GREM2: variants seen among roughly 807,000 people sequenced by gnomAD.
GREM2 encodes the protein gremlin-2.
GREM2 carries 11 observed loss-of-function variants against 14.2 expected under a neutral mutation model. The observed-to-expected ratio is 0.78, with a 90% confidence interval of 0.49 to 1.28. GREM2 has a LOEUF of 1.28. Among genes scored for constraint, GREM2 ranks in the 50% most tolerant of loss-of-function variants. The pLI, the probability that GREM2 is intolerant of heterozygous loss-of-function variation, is 0.00. For synonymous variants in GREM2, 98 were observed against 97.6 expected (o/e 1.00, Z -0.02); for missense variants, 210 against 218.5 (o/e 0.96, Z 0.24).
intron 1 of GREM2, among the ~76,000 whole-genome samples, chr1:240,610,600 C>T (rs936627401): frequency 6.6e-6 from 1 of 152,200 alleles, no homozygotes; most frequent in African/African-American, 2.4e-5. Flanking sequence ...CTTCCTTGGT[C>T]GGGCACATGT....
chr1:240,504,981 T>C (rs936128739), intron 1 of GREM2, among the ~76,000 whole-genome samples: 2 of 152,162 alleles, frequency 1.3e-5, no homozygotes, highest in African/African-American at 4.8e-5. Context: ...TAATCCCCAA[T>C]GTTGGAGGTG....
chr1:240,520,933 T>G (rs549365943), intron 1 of GREM2, among the ~76,000 whole-genome samples: 1 of 151,948 alleles, frequency 6.6e-6, no homozygotes, highest in Admixed American at 6.6e-5. Context: ...AAAAAAGCAT[T>G]TTAGTTTTTG....
chr1:240,579,390 G>C (rs575023839), intron 1 of GREM2, among the ~76,000 whole-genome samples: 1 of 152,124 alleles, frequency 6.6e-6, no homozygotes, highest in Non-Finnish European at 1.5e-5. Flanking sequence ...GTGGCATTAC[G>C]CAAAACACCT....
intron 1 of GREM2, among the ~76,000 whole-genome samples, chr1:240,494,834 G>A (rs1677371698): frequency 1.3e-5 from 2 of 152,122 alleles, no homozygotes; most frequent in Admixed American, 1.3e-4. Context: ...CCGGGAGGCG[G>A]AGCTTGCAAT....
intron 1 of GREM2, among the ~76,000 whole-genome samples, chr1:240,510,964 G>T (rs1275520056): frequency 1.3e-5 from 2 of 152,182 alleles, no homozygotes; most frequent in Admixed American, 1.3e-4. Context: ...AAATTTTGGA[G>T]AATTTAGAAA....
chr1:240,538,992 G>A (rs571582568), intron 1 of GREM2, among the ~76,000 whole-genome samples: 22 of 152,272 alleles, frequency 1.4e-4, no homozygotes, highest in African/African-American at 5.3e-4. Context: ...CTGATGCCAA[G>A]TACATGGCAG....
intron 1 of GREM2, among the ~76,000 whole-genome samples, chr1:240,604,477 G>T (rs913302810): frequency 6.6e-6 from 1 of 152,124 alleles, no homozygotes; most frequent in Non-Finnish European, 1.5e-5. Context: ...TTGAGACTCT[G>T]GTATCAACTG....
In GREM2 at chr1:240,490,337, T is replaced by C. The variant is rs1677218696; in HGVS notation, c.*2632A>G. Reference sequence around the variant, plus strand: ...CCTTGGATGCCTGATTCTATTTCTCTTAGAAGATTCCAGACCCCAAAGGAG... The same window carrying C: ...CCTTGGATGCCTGATTCTATTTCTCCTAGAAGATTCCAGACCCCAAAGGAG... On this transcript the variant is annotated 3_prime_UTR_variant, in exon 2 of 2. Coordinates refer to ENST00000318160, the MANE Select transcript of GREM2 (RefSeq NM_022469.4). The C allele has an allele frequency of 6.6e-6, 1 of 152,600 alleles. No homozygotes were observed. Among genetic ancestry groups the C allele is most frequent in the South Asian group, 2.1e-4 (1 of 4,830 alleles). The allele number at this position is 152,600 out of a possible 1,614,324, so 9.5% of individuals were successfully genotyped here. A position where few individuals can be genotyped will look rare whatever the true frequency, so the allele number is the denominator to read the frequency against.
At chr1:240,585,208 G>T (rs1371143177) in intron 1 of GREM2, among the ~76,000 whole-genome samples, 1 of 152,072 alleles carries the variant, frequency 6.6e-6, no homozygotes, top group African/African-American at 2.4e-5. Context: ...TCAGGGCCAA[G>T]ACTAGTGTGA....
chr1:240,577,244 A>G (rs890636554), intron 1 of GREM2, among the ~76,000 whole-genome samples: 1 of 152,220 alleles, frequency 6.6e-6, no homozygotes, highest in African/African-American at 2.4e-5. Context: ...TGAGTCGGCC[A>G]TAAAAGTGAT....
intron 1 of GREM2, among the ~76,000 whole-genome samples, chr1:240,513,256 G>C (rs1677874476): frequency 1.3e-5 from 2 of 152,088 alleles, no homozygotes; most frequent in Admixed American, 1.3e-4. Context: ...AATGAACTGG[G>C]ATGAGGACAA....
rs189993148 is a variant in GREM2 at position 240,497,815 on chromosome 1, C to T, written c.-1-4339G>A. The stretch of plus-strand genomic sequence containing the variant: ...CAGGCCAAGTGTCAAGTATTGGACT[C>T]GCTCAGCTTACATAGCTTATTATAT... On this transcript the variant is annotated intron_variant, in intron 1 of 1. Coordinates refer to ENST00000318160, the MANE Select transcript of GREM2 (RefSeq NM_022469.4). Among the ~76,000 whole-genome samples the T allele has an allele frequency of 3.4e-3, 520 of 152,164 alleles. 3 individuals are homozygous for T. The highest frequency in any genetic ancestry group is 2.4e-3 in the Admixed American group (37 of 15,288).
At chr1:240,558,754 G>A (rs1244232925) in intron 1 of GREM2, among the ~76,000 whole-genome samples, 2 of 151,620 alleles carry the variant, frequency 1.3e-5, no homozygotes, top group African/African-American at 4.8e-5. Flanking sequence ...GTTTCTGTTG[G>A]TTATATCTAT....
Position 240,492,185 on chromosome 1 carries a change from T to C in GREM2, c.*784A>G, listed in dbSNP as rs1558133943. ...AAACCAGCGTTAATATAGAGACCTT[T>C]GTGTGTGATAATATTCTAATTGCAG... On this transcript the variant is annotated 3_prime_UTR_variant, in exon 2 of 2. Transcript: ENST00000318160. 2.2e-6 allele frequency: 1 copy of C among 451,792 alleles called. No individual in the cohort carries two copies. The highest frequency in any genetic ancestry group is 1.6e-5 in the South Asian group (1 of 64,192). 28.0% of individuals were successfully genotyped at this position (451,792 alleles called of 1,614,324 possible).
chr1:240,496,306 G>A (rs573835541), intron 1 of GREM2, among the ~76,000 whole-genome samples: 7 of 152,138 alleles, frequency 4.6e-5, no homozygotes, highest in South Asian at 2.1e-4. Context: ...AGCCTCCTCC[G>A]TCCTCTCTCC....
chr1:240,509,679 C>T (rs953674815), intron 1 of GREM2, among the ~76,000 whole-genome samples: 1 of 152,024 alleles, frequency 6.6e-6, no homozygotes, highest in African/African-American at 2.4e-5. Context: ...TCATTTGACT[C>T]TTATGACCTC....
At chr1:240,569,968 T>C (rs1274431779) in intron 1 of GREM2, among the ~76,000 whole-genome samples, 1 of 152,226 alleles carries the variant, frequency 6.6e-6, no homozygotes, top group African/African-American at 2.4e-5. Context: ...TATTGGGCTG[T>C]TGTTTGCCTC....
chr1:240,562,708 CGT>C (rs10643403), intron 1 of GREM2, among the ~76,000 whole-genome samples: 12,551 of 150,398 alleles, frequency 0.083, 952 homozygotes, highest in African/African-American at 0.21. Flanking sequence ...ACAGGATTGC[CGT>C]GTGTGTGTGT....
At chr1:240,601,928 A>G (rs908921427) in intron 1 of GREM2, among the ~76,000 whole-genome samples, 12 of 152,150 alleles carry the variant, frequency 7.9e-5, no homozygotes, top group African/African-American at 2.9e-4. Context: ...AAAAAAAAAA[A>G]AAAGGATATT....
Sources: allele counts gnomAD v4.1 joint callset (sites outside exome capture counted in the v4.1 genomes callset), GRCh38; gene constraint gnomAD v4.1.1; transcripts MANE v1.5; gene names NCBI Gene and HGNC (gene_info 2026-07-23, HGNC 2026-07-21).